The following CRACDL variants were observed in gnomAD, a reference collection of about 807,000 sequenced individuals.
CRACDL encodes CRACD like.
A neutral mutation model predicts 70.6 loss-of-function variants in CRACDL; 26 were observed. The ratio of observed to expected loss-of-function variants is 0.37; its 90% CI spans 0.27 to 0.51. CRACDL has a LOEUF of 0.51. Among genes scored for constraint, CRACDL ranks in the 20% least tolerant of loss-of-function variants. The probability of loss-of-function intolerance (pLI) is 0.94; values close to 1 mark genes in which losing one functional copy is unlikely to be tolerated. For synonymous variants in CRACDL, 618 were observed against 615.2 expected (o/e 1.00, Z -0.07); for missense variants, 1,283 against 1,376.9 (o/e 0.93, Z 1.08).
intron 1 of CRACDL, among the ~76,000 whole-genome samples, chr2:98,905,203 T>C (rs1430188515): frequency 6.7e-6 from 1 of 148,394 alleles, no homozygotes; most frequent in Non-Finnish European, 1.5e-5. Flanking sequence ...TGAGCCGAGA[T>C]TGCACCACTG....
chr2:98,876,421 C>T (rs892734548), intron 1 of CRACDL, among the ~76,000 whole-genome samples: 3 of 152,122 alleles, frequency 2.0e-5, no homozygotes, highest in African/African-American at 7.2e-5. Flanking sequence ...AGGTAAGTAG[C>T]GGGCGAGCAA....
chr2:98,816,156 C>T (rs1322728923), intron 7 of CRACDL, among the ~76,000 whole-genome samples: 1 of 152,166 alleles, frequency 6.6e-6, no homozygotes, highest in African/African-American at 2.4e-5. Context: ...ACTGCTCACA[C>T]TTGCTATGGA....
At chr2:98,814,341 T>C (rs535417089) in intron 7 of CRACDL, among the ~76,000 whole-genome samples, 1 of 152,306 alleles carries the variant, frequency 6.6e-6, no homozygotes, top group African/African-American at 2.4e-5. Flanking sequence ...CCACAAATTT[T>C]GATATGTTGT....
intron 7 of CRACDL, among the ~76,000 whole-genome samples, chr2:98,804,781 C>CTT (rs1279340713): frequency 6.6e-6 from 1 of 152,214 alleles, no homozygotes; most frequent in Non-Finnish European, 1.5e-5. Context: ...AATAAAGCAT[C>CTT]TTTAAACAGA....
At chr2:98,795,077 A>ATATTTTTTTTTTTTT in intron 9 of CRACDL, among the ~76,000 whole-genome samples, 22 of 58,484 alleles carry the variant, frequency 3.8e-4, no homozygotes, top group Non-Finnish European at 5.6e-4. Context: ...ATATATATAT[A>ATATTTTTTTTTTTTT]TTTTTTTTTT....
chr2:98,822,018 G>T lies in CRACDL; in HGVS notation c.2255C>A (p.Pro752His), dbSNP rs765207242. The change falls in exon 7 of 10, where the codon CCC becomes CAC. Residue 752 changes from proline (P) to histidine (H), a missense_variant. By Grantham distance (77) the Pro-to-His change is moderately conservative (BLOSUM62 -2). Transcript: ENST00000397899. This position sits in a 1 kb window ranked among gnomAD's most constrained non-coding sequence, Gnocchi z 4.9. ...PSDQGKGKAR[P>H]PEPLSSKPPL... Reference sequence around the variant, plus strand: ...CGGCTTGGAGCTGAGCGGCTCGGGGGGCCGGGCCTTCCCCTTTCCTTGGTC... The same window carrying T: ...CGGCTTGGAGCTGAGCGGCTCGGGGTGCCGGGCCTTCCCCTTTCCTTGGTC... The T allele has an allele frequency of 3.2e-6, 5 of 1,539,744 alleles. No individual in the cohort carries two copies. In the African/African-American group the frequency reaches 6.9e-5, roughly 21 times the overall value.
At chr2:98,845,833 T>A (rs762981195) in intron 2 of CRACDL, among the ~76,000 whole-genome samples, 1 of 152,218 alleles carries the variant, frequency 6.6e-6, no homozygotes, top group African/African-American at 2.4e-5. Context: ...TTGGATTTAT[T>A]TGGTATCCAT....
chr2:98,809,013 A>T (rs1417604356), intron 7 of CRACDL, among the ~76,000 whole-genome samples: 1 of 152,212 alleles, frequency 6.6e-6, no homozygotes, highest in Non-Finnish European at 1.5e-5. Context: ...CCCCCATCCC[A>T]GGTAGAAACT....
chr2:98,885,386 T>C (rs1707774061), intron 1 of CRACDL, among the ~76,000 whole-genome samples: 1 of 152,142 alleles, frequency 6.6e-6, no homozygotes, highest in African/African-American at 2.4e-5. Context: ...GCTACTGCAT[T>C]TTTTTTCCAG....
rs1228030321 is a variant in CRACDL, at chr2:98,822,269, T to C, written c.2004A>G (p.Pro668=). The change falls in exon 7 of 10, where the codon CCA becomes CCG. Residue 668 remains proline, a synonymous_variant. Transcript: ENST00000397899. This position sits in a 1 kb window ranked among gnomAD's most constrained non-coding sequence, Gnocchi z 4.9. ...CACTCGGGGCCGGCTCCTGGGCGGCTGGGCAGGGCTCTCTCGTGCCGGGCG... is the reference window on the plus strand; with the variant it reads ...CACTCGGGGCCGGCTCCTGGGCGGCCGGGCAGGGCTCTCTCGTGCCGGGCG... ...AAAPGTREPC[P]AAQEPAPSED... is the part of the protein sequence containing the mutation. 4 of 1,587,588 alleles carry C rather than the reference T, an allele frequency of 2.5e-6. No individual in the cohort carries two copies. Among genetic ancestry groups the C allele is most frequent in the Non-Finnish European group, 3.4e-6 (4 of 1,173,788 alleles).
At chr2:98,910,385 G>A (rs112156365) in intron 1 of CRACDL, among the ~76,000 whole-genome samples, 1,589 of 152,136 alleles carry the variant, frequency 0.01, 33 homozygotes, top group East Asian at 0.074. Flanking sequence ...GCTGGGCATG[G>A]TGGTGCATGC....
chr2:98,838,521 CT>C (rs1705892058), intron 2 of CRACDL, among the ~76,000 whole-genome samples: 1 of 152,110 alleles, frequency 6.6e-6, no homozygotes, highest in Non-Finnish European at 1.5e-5. Context: ...CACAAGAACA[CT>C]TTGGAAGATG....
chr2:98,858,862 C>G (rs1324948438), intron 1 of CRACDL, among the ~76,000 whole-genome samples: 1 of 152,130 alleles, frequency 6.6e-6, no homozygotes, highest in Non-Finnish European at 1.5e-5. Flanking sequence ...TTATGTATTA[C>G]TGTATGCCAA....
intron 1 of CRACDL, among the ~76,000 whole-genome samples, chr2:98,899,323 CCCAAGTG>C (rs1708206597): frequency 1.3e-5 from 2 of 152,226 alleles, no homozygotes; most frequent in African/African-American, 2.4e-5. Flanking sequence ...GTAATAAGCA[CCCAAGTG>C]ACAAAGATAC....
At chr2:98,825,017 G>A (rs1460954553) in intron 6 of CRACDL, among the ~76,000 whole-genome samples, 1 of 152,222 alleles carries the variant, frequency 6.6e-6, no homozygotes, top group Non-Finnish European at 1.5e-5. Context: ...CAAGGCAGCA[G>A]AGGGGGCAGC....
At chr2:98,796,030 G>T in intron 9 of CRACDL, 90 bp downstream of exon 9, 2 of 1,305,550 alleles carry the variant, frequency 1.5e-6, no homozygotes, top group Non-Finnish European at 2.2e-6. Flanking sequence ...CAAGTAATTT[G>T]CAAAAACCAA....
intron 1 of CRACDL, among the ~76,000 whole-genome samples, chr2:98,878,443 C>A (rs952833521): frequency 1.3e-5 from 2 of 152,192 alleles, no homozygotes; most frequent in Non-Finnish European, 2.9e-5. Context: ...AAGAAACAGG[C>A]CACATGTAGC....
At chr2:98,903,365 C>T (rs1708331293) in intron 1 of CRACDL, among the ~76,000 whole-genome samples, 1 of 152,140 alleles carries the variant, frequency 6.6e-6, no homozygotes, top group African/African-American at 2.4e-5. Flanking sequence ...GACCCGCTGT[C>T]TTCAATTTGC....
intron 1 of CRACDL, among the ~76,000 whole-genome samples, chr2:98,915,095 A>T (rs779463356): frequency 1.3e-4 from 20 of 152,224 alleles, no homozygotes; most frequent in Non-Finnish European, 2.6e-4. Flanking sequence ...TGCTCAAAGT[A>T]GAGAAATAAT....
Sources: gnomAD v4.1 joint callset for allele counts (sites outside exome capture counted in the v4.1 genomes callset) on GRCh38, gnomAD v4.1.1 for gene constraint, Gnocchi (gnomAD v3.1) non-coding constraint, MANE v1.5 for transcripts, NCBI Gene and HGNC (gene_info 2026-07-23, HGNC 2026-07-21) for gene names.